MYO16: variants seen among roughly 807,000 people sequenced by gnomAD.
The protein encoded by MYO16 is myosin XVI, also known as unconventional myosin-XVI.
MYO16 carries 94 observed loss-of-function variants against 205.3 expected under a neutral mutation model. The ratio of observed to expected loss-of-function variants is 0.46; its 90% CI spans 0.39 to 0.54. The LOEUF is 0.54. Among genes scored for constraint, MYO16 ranks in the 20% least tolerant of loss-of-function variants. The pLI, the probability that MYO16 is intolerant of heterozygous loss-of-function variation, is 0.00. For missense variants in MYO16, 2,315 were observed against 2,387.5 expected (o/e 0.97, Z 0.63); for synonymous variants, 988 against 954.0 (o/e 1.04, Z -0.66).
intron 4 of MYO16, among the ~76,000 whole-genome samples, chr13:108,733,715 C>CCG: frequency 6.6e-6 from 1 of 152,308 alleles, no homozygotes; most frequent in East Asian, 1.9e-4. Context: ...GTAATCCCAG[C>CCG]ACTTTGGGAG....
intron 10 of MYO16, among the ~76,000 whole-genome samples, chr13:108,847,209 C>G (rs1877568835): frequency 6.6e-6 from 1 of 152,170 alleles, no homozygotes; most frequent in Non-Finnish European, 1.5e-5. Context: ...GTAATCTTCA[C>G]AGGATAACTT....
At chr13:109,113,804 G>A (rs1345446334) in intron 28 of MYO16, among the ~76,000 whole-genome samples, 1 of 152,156 alleles carries the variant, frequency 6.6e-6, no homozygotes, top group African/African-American at 2.4e-5. Flanking sequence ...AGGGCTTGAG[G>A]TGCTCAGGGA....
intron 4 of MYO16, among the ~76,000 whole-genome samples, chr13:108,765,424 G>A (rs1885747925): frequency 6.6e-6 from 1 of 152,062 alleles, no homozygotes; most frequent in Admixed American, 6.6e-5. Flanking sequence ...CTAAAAGTCA[G>A]GTCATCCCCA....
At position 108,994,772 on chromosome 13, in the gene MYO16, C is replaced by T. The variant is rs147938708; in HGVS notation, c.2442+2324C>T. ...TGCTTTGTATATAATAAAAGTTCAA[C>T]GAACATGTTTTCAATTGAAGTTTAA... On this transcript the variant is annotated intron_variant, in intron 21 of 34. Transcript: ENST00000457511. Among the ~76,000 whole-genome samples the T allele has an allele frequency of 3.3e-4, 50 of 152,182 alleles. 2 individuals are homozygous for T. The highest frequency in any genetic ancestry group is 1.1e-3 in the African/African-American group (46 of 41,530).
intron 7 of MYO16, among the ~76,000 whole-genome samples, chr13:108,808,982 T>A (rs1289223770): frequency 6.6e-6 from 1 of 152,184 alleles, no homozygotes; most frequent in African/African-American, 2.4e-5. Flanking sequence ...GCTATCAGTG[T>A]TATTACCTGC....
At chr13:108,855,624 T>C (rs1393188981) in intron 11 of MYO16, 71 bp downstream of exon 11, 2 of 1,056,732 alleles carry the variant, frequency 1.9e-6, no homozygotes, top group East Asian at 2.5e-5. Flanking sequence ...CTTCAGTGCT[T>C]CAAATGTTGC....
At chr13:109,002,838 T>A (rs1566455185) in intron 21 of MYO16, among the ~76,000 whole-genome samples, 1 of 152,174 alleles carries the variant, frequency 6.6e-6, no homozygotes, top group Non-Finnish European at 1.5e-5. Flanking sequence ...TTAGTGAAAA[T>A]AAATCAAGAA....
chr13:108,933,806 A>G (rs901516789), intron 16 of MYO16, among the ~76,000 whole-genome samples: 3 of 151,886 alleles, frequency 2.0e-5, no homozygotes, highest in Admixed American at 2.0e-4. Context: ...TTTTATTTCC[A>G]TGAGCCCAGT....
intron 2 of MYO16, among the ~76,000 whole-genome samples, chr13:108,698,426 T>C (rs1926503): frequency 0.48 from 73,247 of 152,034 alleles, 18,150 homozygotes; most frequent in East Asian, 0.65. Context: ...TGTATCTTAT[T>C]CCTGAGGGTT....
At chr13:108,571,447 G>A in the MYO16 span, among the ~76,000 whole-genome samples, 1 of 152,160 alleles carries the variant, frequency 6.6e-6, no homozygotes, top group Non-Finnish European at 1.5e-5. Context: ...AAAATCTTAA[G>A]AGGCTAATCA....
At chr13:108,993,109 C>A (rs949927886) in intron 21 of MYO16, among the ~76,000 whole-genome samples, 1 of 151,980 alleles carries the variant, frequency 6.6e-6, no homozygotes, top group Admixed American at 6.6e-5. Context: ...AAATAGAAAA[C>A]CAAGCTACAT....
the MYO16 span, among the ~76,000 whole-genome samples, chr13:108,576,326 G>A: frequency 6.6e-6 from 1 of 152,174 alleles, no homozygotes; most frequent in Admixed American, 6.5e-5. Context: ...CTGGAGGGAT[G>A]ACCTTGGGAC....
chr13:108,511,329 T>A, the MYO16 span, among the ~76,000 whole-genome samples: 137 of 106,996 alleles, frequency 1.3e-3, 5 homozygotes, highest in East Asian at 0.037. Context: ...TGTTTGTTTT[T>A]TTCTTGTAAA....
intron 4 of MYO16, among the ~76,000 whole-genome samples, chr13:108,777,846 A>G (rs771214255): frequency 2.0e-5 from 3 of 152,184 alleles, no homozygotes; most frequent in Non-Finnish European, 4.4e-5. Context: ...ACATACCTTC[A>G]TACCTGGGGA....
At chr13:108,999,973 G>C (rs1182119092) in intron 21 of MYO16, among the ~76,000 whole-genome samples, 2 of 152,076 alleles carry the variant, frequency 1.3e-5, no homozygotes, top group Non-Finnish European at 2.9e-5. Context: ...TTCCATAGTG[G>C]AATTTATCAC....
chr13:108,685,167 C>T (rs1314825850), intron 2 of MYO16, among the ~76,000 whole-genome samples: 9 of 151,886 alleles, frequency 5.9e-5, no homozygotes, highest in Admixed American at 2.0e-4. Flanking sequence ...GGACTACAGG[C>T]GCATGCCACC....
At chr13:108,588,378 G>C in the MYO16 span, among the ~76,000 whole-genome samples, 1 of 152,138 alleles carries the variant, frequency 6.6e-6, no homozygotes, top group Non-Finnish European at 1.5e-5. Context: ...CTGGCTCAGC[G>C]CTAGGTAGAG....
the MYO16 span, among the ~76,000 whole-genome samples, chr13:108,562,212 T>G: frequency 1.3e-5 from 2 of 152,106 alleles, no homozygotes; most frequent in African/African-American, 4.8e-5. Flanking sequence ...CAATGTCATC[T>G]CACATGACAA....
intron 23 of MYO16, among the ~76,000 whole-genome samples, chr13:109,033,051 T>G (rs9587761): frequency 0.017 from 2,654 of 152,198 alleles, 75 homozygotes; most frequent in African/African-American, 0.06. Flanking sequence ...ATAAGAGAAC[T>G]AAGTAGTGAA....
Sources: allele counts gnomAD v4.1 joint callset (sites outside exome capture counted in the v4.1 genomes callset), GRCh38; gene constraint gnomAD v4.1.1; transcripts MANE v1.5; gene names NCBI Gene and HGNC (gene_info 2026-07-23, HGNC 2026-07-21).